Variants in SYNE3 observed in about 807,000 individuals in gnomAD.
SYNE3 encodes nesprin-3.
In SYNE3, 100 loss-of-function variants were observed where a neutral mutation model predicts 111.2. The ratio of observed to expected loss-of-function variants is 0.90; its 90% confidence interval spans 0.77 to 1.06. SYNE3 has a LOEUF of 1.06. Ranked by LOEUF, SYNE3 falls within the 50% of genes least tolerant of loss-of-function variation. The pLI, the probability that SYNE3 is intolerant of heterozygous loss-of-function variation, is 0.00. For missense variants in SYNE3, 1,160 were observed against 1,240.3 expected (o/e 0.94, Z 0.97); for synonymous variants, 547 against 533.9 (o/e 1.02, Z -0.34).
chr14:95,444,525 C>A lies in SYNE3; in HGVS notation c.1736G>T (p.Arg579Leu), dbSNP rs768986406. 2 of 1,613,278 alleles carry A rather than the reference C, an allele frequency of 1.2e-6. No homozygotes were observed. Among genetic ancestry groups the A allele is most frequent in the Non-Finnish European group, 1.7e-6 (2 of 1,179,618 alleles). Residue 579 changes from arginine (R) to leucine (L), a missense_variant, in exon 10 of 18, where the codon CGG (arginine) becomes CTG (leucine). By Grantham distance (102) the Arg-to-Leu change is moderately radical. Coordinates refer to ENST00000682763, the MANE Select transcript of SYNE3 (RefSeq NM_152592.6). ...VRVQAEKGLQRDLPGKQAQLS... is the reference protein window; with the variant it reads ...VRVQAEKGLQLDLPGKQAQLS... ...CTGGGCCTGTTTTCCAGGAAGGTCCCGCTGAAGCCCCTTCTCGGCTTGGAC... is the reference window on the plus strand; with the variant it reads ...CTGGGCCTGTTTTCCAGGAAGGTCCAGCTGAAGCCCCTTCTCGGCTTGGAC...
intron 12 of SYNE3, 51 bp from the exon 13 acceptor site, chr14:95,439,835 G>C (rs765061220): frequency 1.3e-6 from 2 of 1,591,000 alleles, no homozygotes; most frequent in South Asian, 1.2e-5. Context: ...GTGGAGGGAG[G>C]TTTCTGCTCC....
intron 1 of SYNE3, among the ~76,000 whole-genome samples, chr14:95,493,208 T>C (rs1044913019): frequency 6.6e-6 from 1 of 152,156 alleles, no homozygotes. Flanking sequence ...CTTGAGACCT[T>C]TTTTTCCAAA....
At chr14:95,488,068 A>G (rs938993420) in intron 1 of SYNE3, among the ~76,000 whole-genome samples, 9 of 152,156 alleles carry the variant, frequency 5.9e-5, no homozygotes, top group African/African-American at 1.9e-4. Flanking sequence ...AGCTTACTTT[A>G]TTGTAAGAAT....
At chr14:95,502,865 C>G (rs1288001778) in intron 1 of SYNE3, among the ~76,000 whole-genome samples, 1 of 152,206 alleles carries the variant, frequency 6.6e-6, no homozygotes, top group African/African-American at 2.4e-5. Context: ...ATGCTTGTTT[C>G]TAGGTTTCTA....
intron 2 of SYNE3, among the ~76,000 whole-genome samples, chr14:95,468,597 A>T (rs914564984): frequency 1.3e-5 from 2 of 152,038 alleles, no homozygotes; most frequent in Admixed American, 6.6e-5. Flanking sequence ...GTTCCTGCAA[A>T]CTGCCTTAGA....
At chr14:95,450,254 G>T in intron 7 of SYNE3, 149 bp from the exon 8 acceptor site, 2 of 889,366 alleles carry the variant, frequency 2.2e-6, no homozygotes, top group Non-Finnish European at 3.3e-6. Context: ...AATGTCTGCA[G>T]CAGTAGACAG....
chr14:95,491,224 G>T (rs1334339755), intron 1 of SYNE3, among the ~76,000 whole-genome samples: 1 of 152,144 alleles, frequency 6.6e-6, no homozygotes, highest in Admixed American at 6.5e-5. Flanking sequence ...GGTAACATGT[G>T]ACAGTTGGAC....
chr14:95,441,572 G>A (rs1029568308), intron 11 of SYNE3, among the ~76,000 whole-genome samples: 3 of 152,226 alleles, frequency 2.0e-5, no homozygotes, highest in African/African-American at 7.2e-5. Flanking sequence ...TTGCAACACC[G>A]AGTGATGCTC....
chr14:95,481,111 A>G (rs894019901), intron 1 of SYNE3, among the ~76,000 whole-genome samples: 3 of 152,196 alleles, frequency 2.0e-5, no homozygotes, highest in African/African-American at 2.4e-5. Flanking sequence ...AGCGGCTGTT[A>G]CCTTCCACAA....
At chr14:95,418,148 C>A in intron 17 of SYNE3, 122 bp from the exon 18 acceptor site, 1 of 970,150 alleles carries the variant, frequency 1.0e-6, no homozygotes, top group South Asian at 1.4e-5. Flanking sequence ...TGACAGTACA[C>A]ATCTCCAGGT....
chr14:95,435,282 A>G (rs574425266), intron 15 of SYNE3, among the ~76,000 whole-genome samples: 31 of 152,318 alleles, frequency 2.0e-4, no homozygotes, highest in Middle Eastern at 3.4e-3. Context: ...AGATTATTAA[A>G]AGCACCAAAT....
At chr14:95,487,542 A>T (rs1889610934) in intron 1 of SYNE3, among the ~76,000 whole-genome samples, 1 of 152,054 alleles carries the variant, frequency 6.6e-6, no homozygotes. Flanking sequence ...ATTATTTTAA[A>T]CCACCTTCTT....
intron 5 of SYNE3, 200 bp from the exon 6 acceptor site, chr14:95,455,924 C>T: frequency 1.9e-6 from 1 of 535,088 alleles, no homozygotes; most frequent in Non-Finnish European, 3.3e-6. Context: ...CTATTCCTTC[C>T]CCATAAGTCT....
chr14:95,492,590 A>C (rs1889901479), intron 1 of SYNE3, among the ~76,000 whole-genome samples: 1 of 152,220 alleles, frequency 6.6e-6, no homozygotes, highest in Admixed American at 6.5e-5. Context: ...AAAGTAGATT[A>C]GTGGTTTCCT....
rs767355621 is a variant in SYNE3, at chr14:95,444,663, C to A, written c.1633-35G>T. On this transcript the variant is annotated intron_variant, in intron 9 of 17. Transcript: ENST00000682763. Reference sequence around the variant, plus strand: ...CACAGGACAGTGTGCACATTAAGAGCGTTCCTCATGAGCACCGTGTTGTGA... The same window carrying A: ...CACAGGACAGTGTGCACATTAAGAGAGTTCCTCATGAGCACCGTGTTGTGA... 5 of 1,534,172 alleles carry A rather than the reference C, an allele frequency of 3.3e-6. No individual in the cohort carries two copies. In the African/African-American group the frequency reaches 4.1e-5, roughly 13 times the overall value.
chr14:95,476,260 C>T (rs1272789837), intron 1 of SYNE3, among the ~76,000 whole-genome samples: 1 of 152,238 alleles, frequency 6.6e-6, no homozygotes, highest in African/African-American at 2.4e-5. Context: ...GAACACTGTT[C>T]TGGGCATGGG....
chr14:95,472,482 G>A (rs1312727419), intron 2 of SYNE3, among the ~76,000 whole-genome samples: 1 of 152,218 alleles, frequency 6.6e-6, no homozygotes, highest in Non-Finnish European at 1.5e-5. Context: ...GGTATGCTGT[G>A]TATCCCAGCT....
chr14:95,473,875 G>T (rs1180173440), intron 2 of SYNE3, among the ~76,000 whole-genome samples: 1 of 149,844 alleles, frequency 6.7e-6, no homozygotes, highest in African/African-American at 2.5e-5. Context: ...GTGAGCTTGT[G>T]AGGTGTGACA....
intron 7 of SYNE3, 168 bp from the exon 8 acceptor site, chr14:95,450,273 G>A (rs926083866): frequency 2.6e-6 from 2 of 780,212 alleles, no homozygotes; most frequent in Admixed American, 2.9e-5. Context: ...AGAAGATGTA[G>A]CTGGAAGGGA....
Sources: gnomAD v4.1 joint callset for allele counts (sites outside exome capture counted in the v4.1 genomes callset) on GRCh38, gnomAD v4.1.1 for gene constraint, MANE v1.5 for transcripts, NCBI Gene and HGNC (gene_info 2026-07-23, HGNC 2026-07-21) for gene names.